GCSAML: variants seen among roughly 807,000 people sequenced by gnomAD.
GCSAML encodes the protein germinal center associated signaling and motility like, also known as germinal center-associated signaling and motility-like protein.
GCSAML carries 9 observed loss-of-function variants against 13.0 expected under a neutral mutation model. The ratio of observed to expected loss-of-function variants is 0.69; its 90% CI spans 0.42 to 1.21. The LOEUF (loss-of-function observed/expected upper bound fraction) is 1.21. Among genes scored for constraint, GCSAML ranks in the 50% most tolerant of loss-of-function variants. The pLI is 0.00. For missense variants in GCSAML, 143 were observed against 153.4 expected (o/e 0.93, Z 0.36); for synonymous variants, 37 against 52.9 (o/e 0.70, Z 1.31).
chr1:247,533,458 C>G (rs57685910), intron 2 of GCSAML: 2 of 152,186 alleles, frequency 1.3e-5, no homozygotes, highest in African/African-American at 4.8e-5. Context: ...CTAACTTTCC[C>G]TCCACCTTTC....
intron 2 of GCSAML, chr1:247,538,757 G>A: frequency 2.2e-6 from 1 of 456,458 alleles, no homozygotes; most frequent in Non-Finnish European, 4.4e-6. Context: ...CAACCCTGAG[G>A]GTACCTTGAT....
chr1:247,532,811 T>C (rs1420370779), intron 2 of GCSAML, among the ~76,000 whole-genome samples: 2 of 151,778 alleles, frequency 1.3e-5, no homozygotes, highest in Non-Finnish European at 2.9e-5. Context: ...ACTCAACAGC[T>C]ACGTGGATGG....
chr1:247,509,693 T>G (rs1172870018), intron 1 of GCSAML, among the ~76,000 whole-genome samples: 1 of 152,204 alleles, frequency 6.6e-6, no homozygotes, highest in Non-Finnish European at 1.5e-5. Flanking sequence ...CCTAGTTTAT[T>G]GAGAGTTTTT....
chr1:247,543,407 G>T (rs1025126387), intron 2 of GCSAML, among the ~76,000 whole-genome samples: 2 of 152,062 alleles, frequency 1.3e-5, no homozygotes, highest in African/African-American at 4.8e-5. Context: ...ATCTCTTGCT[G>T]TGCCTAATTT....
chr1:247,538,841 T>C (rs1180257121), intron 2 of GCSAML: 2 of 444,548 alleles, frequency 4.5e-6, no homozygotes, highest in African/African-American at 2.0e-5. Context: ...TGTGGTGTTT[T>C]GTTATGATAT....
At position 247,527,057 on chromosome 1, in the gene GCSAML, A is replaced by G. The variant is rs1328168717; in HGVS notation, c.-148+3A>G. ...CAGTTCTTGGATGCCAATCTGAGGT[A>G]CAAATCACATTTCAAGTGTATTTCC... On this transcript the variant is annotated splice_donor_region_variant and intron_variant, in intron 2 of 5. Transcript: ENST00000366489. This position sits in a 1 kb window ranked among gnomAD's most constrained non-coding sequence, Gnocchi z 4.6. 1 of 456,616 alleles carries G rather than the reference A, an allele frequency of 2.2e-6. No individual in the cohort carries two copies. The highest frequency in any genetic ancestry group is 2.0e-5 in the African/African-American group (1 of 50,084). The allele number at this position is 456,616 out of a possible 1,614,324, so 28.3% of individuals were successfully genotyped here.
At chr1:247,539,069 T>C (rs936625514) in intron 2 of GCSAML, among the ~76,000 whole-genome samples, 2 of 152,162 alleles carry the variant, frequency 1.3e-5, no homozygotes, top group African/African-American at 4.8e-5. Flanking sequence ...TGATGAGTTT[T>C]GTGGCAGAGA....
intron 4 of GCSAML, among the ~76,000 whole-genome samples, chr1:247,567,111 C>T (rs963508767): frequency 4.1e-5 from 6 of 145,016 alleles, no homozygotes; most frequent in Non-Finnish European, 7.6e-5. Flanking sequence ...GGAGCAAGGG[C>T]TTTTTTTTTT....
upstream of GCSAML, among the ~76,000 whole-genome samples, chr1:247,545,083 C>T (rs1315994896): frequency 1.3e-5 from 2 of 152,184 alleles, no homozygotes; most frequent in East Asian, 1.9e-4. Context: ...GGTTAATTCT[C>T]ATCTTATTGG....
At chr1:247,560,121 A>T (rs1384496453) in intron 2 of GCSAML, among the ~76,000 whole-genome samples, 1 of 152,164 alleles carries the variant, frequency 6.6e-6, no homozygotes, top group African/African-American at 2.4e-5. Flanking sequence ...TTTAAGAGAG[A>T]GTGGACAAGC....
At chr1:247,533,960 G>A (rs1395482829) in intron 2 of GCSAML, 1 of 152,094 alleles carries the variant, frequency 6.6e-6, no homozygotes, top group African/African-American at 2.4e-5. Flanking sequence ...CTTGGTACAA[G>A]GCTTGCAGCT....
chr1:247,511,340 T>C (rs1666028338), intron 1 of GCSAML, among the ~76,000 whole-genome samples: 2 of 152,204 alleles, frequency 1.3e-5, no homozygotes, highest in Non-Finnish European at 2.9e-5. Context: ...TTGCAACCTC[T>C]GCTTTTTTTT....
intron 1 of GCSAML, among the ~76,000 whole-genome samples, chr1:247,515,189 C>G (rs992655764): frequency 6.6e-6 from 1 of 152,112 alleles, no homozygotes; most frequent in Non-Finnish European, 1.5e-5. Context: ...CTATGAACCA[C>G]GTGAAAGCTA....
At position 247,571,016 on chromosome 1, in the gene GCSAML, T is replaced by A. The variant is rs537488749; in HGVS notation, c.169-3127T>A. Among the ~76,000 whole-genome samples, 3 of 151,110 alleles carry A rather than the reference T, an allele frequency of 2.0e-5. 1 individual carries two copies. The South Asian group carries it at 6.2e-4, about 31-fold the overall frequency. On this transcript the variant is annotated intron_variant, in intron 4 of 4. Transcript: ENST00000366488. ...TTGGTTTAAAGTCTGTTTTATCAGA[T>A]TGCACCACCTGCTCTTTTTTGCTTT... is the stretch of plus-strand genomic sequence containing the variant.
chr1:247,565,365 A>T (rs1190022735), intron 3 of GCSAML, among the ~76,000 whole-genome samples: 2 of 152,172 alleles, frequency 1.3e-5, no homozygotes, highest in African/African-American at 4.8e-5. Flanking sequence ...CTAAAAAAAA[A>T]AAAAAAATTG....
At chr1:247,553,555 G>A (rs1465883583) in intron 1 of GCSAML, among the ~76,000 whole-genome samples, 1 of 151,884 alleles carries the variant, frequency 6.6e-6, no homozygotes, top group Non-Finnish European at 1.5e-5. Context: ...TTATGTTTTT[G>A]GCATATTGCC....
intron 1 of GCSAML, among the ~76,000 whole-genome samples, chr1:247,551,441 G>C (rs1667774296): frequency 6.6e-6 from 1 of 152,212 alleles, no homozygotes; most frequent in Non-Finnish European, 1.5e-5. Context: ...GGCCTTCAAA[G>C]GCACGTAGAA....
rs1032820308 is a variant in GCSAML, at chr1:247,574,350, G to A, written c.376G>A (p.Glu126Lys). The A allele has an allele frequency of 4.3e-6, 7 of 1,613,968 alleles. No homozygotes were observed. Among genetic ancestry groups the A allele is most frequent in the Non-Finnish European group, 5.9e-6 (7 of 1,180,002 alleles). ...SVSRPCSCTHEHDYEVVFPH is the reference protein window; with the variant it reads ...SVSRPCSCTHKHDYEVVFPH ...TAGTAGGCCTTGTTCCTGCACCCAT[G>A]AGCATGATTATGAAGTTGTGTTTCC... is the stretch of plus-strand genomic sequence containing the variant. Residue 126 changes from glutamate to lysine, a missense_variant, in exon 5 of 5, where the codon GAG (glutamate) becomes AAG (lysine). Transcript: ENST00000366488.
chr1:247,516,158 C>G (rs1390298282), intron 1 of GCSAML, among the ~76,000 whole-genome samples: 1 of 152,214 alleles, frequency 6.6e-6, no homozygotes, highest in African/African-American at 2.4e-5. Context: ...TAAGAACACT[C>G]ATGTCAATAC....
Sources: gnomAD v4.1 joint callset for allele counts (sites outside exome capture counted in the v4.1 genomes callset) on GRCh38, gnomAD v4.1.1 for gene constraint, Gnocchi (gnomAD v3.1) non-coding constraint, MANE v1.5 for transcripts, NCBI Gene and HGNC (gene_info 2026-07-23, HGNC 2026-07-21) for gene names.